Variants in CNNM2 observed in about 807,000 individuals in gnomAD.
The protein encoded by CNNM2 is cyclin and CBS domain divalent metal cation transport mediator 2.
Under a neutral mutation model 66.9 loss-of-function variants are expected in CNNM2, and 12 were observed. That is an observed-to-expected ratio of 0.18 (90% CI 0.11 to 0.29). CNNM2 has a LOEUF of 0.29. CNNM2 is among the 10% of genes least tolerant of loss of function. CNNM2 has a pLI of 1.00. For missense variants in CNNM2, 705 were observed against 1,167.7 expected (o/e 0.60, Z 5.77); for synonymous variants, 557 against 501.8 (o/e 1.11, Z -1.47).
chr10:102,990,030 T>G (rs928694343), intron 1 of CNNM2, among the ~76,000 whole-genome samples: 1 of 151,054 alleles, frequency 6.6e-6, no homozygotes, highest in African/African-American at 2.4e-5. Flanking sequence ...CTGCAACCTC[T>G]CCCTCCCCGG....
rs1418049174 is a variant in CNNM2, at chr10:103,087,765, T to C, written c.*10585T>C. On this transcript the variant is annotated 3_prime_UTR_variant, in exon 8 of 8. Coordinates refer to ENST00000369878, the MANE Select transcript of CNNM2 (RefSeq NM_017649.5). ...GGGCAACAGTCTAGTCTAATTGTTA[T>C]TGCATTTCTGACCTGATTCTTTTAA... 1.3e-5 allele frequency: 2 copies of C among 152,224 alleles called. No individual in the cohort carries two copies. The highest frequency in any genetic ancestry group is 6.5e-5 in the Admixed American group (1 of 15,286). 9.4% of individuals were successfully genotyped at this position (152,224 alleles called of 1,614,324 possible). A position where few individuals can be genotyped will look rare whatever the true frequency, so the allele number is the denominator to read the frequency against.
intron 1 of CNNM2, among the ~76,000 whole-genome samples, chr10:102,952,789 G>T (rs17115283): frequency 6.6e-6 from 1 of 152,108 alleles, no homozygotes; most frequent in Non-Finnish European, 1.5e-5. Context: ...GATGTGTTAC[G>T]TAGGTCTCTT....
intron 1 of CNNM2, among the ~76,000 whole-genome samples, chr10:102,945,694 T>G (rs1254495790): frequency 6.6e-6 from 1 of 152,166 alleles, no homozygotes; most frequent in Non-Finnish European, 1.5e-5. Flanking sequence ...AAGCATTACA[T>G]GAGCTTAGCT....
At chr10:102,951,417 G>A (rs1259339576) in intron 1 of CNNM2, among the ~76,000 whole-genome samples, 1 of 151,860 alleles carries the variant, frequency 6.6e-6, no homozygotes, top group South Asian at 2.1e-4. Context: ...GGCTGGTTTC[G>A]AATTCTTGAT....
At chr10:102,945,919 A>C (rs1846603361) in intron 1 of CNNM2, among the ~76,000 whole-genome samples, 1 of 151,440 alleles carries the variant, frequency 6.6e-6, no homozygotes, top group Non-Finnish European at 1.5e-5. Flanking sequence ...CTCAGTCGAT[A>C]TTTGCTTTAC....
chr10:103,035,419 G>A (rs1364830524), intron 1 of CNNM2, among the ~76,000 whole-genome samples: 1 of 152,108 alleles, frequency 6.6e-6, no homozygotes, highest in Non-Finnish European at 1.5e-5. Flanking sequence ...TACAGTGAGT[G>A]TTACAGACCA....
At chr10:102,930,981 T>C (rs1203857389) in intron 1 of CNNM2, among the ~76,000 whole-genome samples, 1 of 152,250 alleles carries the variant, frequency 6.6e-6, no homozygotes, top group Non-Finnish European at 1.5e-5. Flanking sequence ...TGCCTATTAA[T>C]AATGATTCTA....
intron 1 of CNNM2, among the ~76,000 whole-genome samples, chr10:103,002,006 A>G (rs1263682034): frequency 6.6e-6 from 1 of 152,122 alleles, no homozygotes; most frequent in East Asian, 1.9e-4. Context: ...CAAATAAATA[A>G]ATAAATAATA....
chr10:103,037,639 A>G (rs2064966464), intron 1 of CNNM2, among the ~76,000 whole-genome samples: 1 of 152,206 alleles, frequency 6.6e-6, no homozygotes, highest in Non-Finnish European at 1.5e-5. Flanking sequence ...TGCCAGACAT[A>G]AACATAAAGT....
At position 102,919,116 on chromosome 10, in the gene CNNM2, CG is replaced by C; in HGVS notation, c.641del (p.Gly214AlafsTer30). On this transcript the variant is annotated frameshift_variant, in exon 1 of 8. Coordinates refer to ENST00000369878, the MANE Select transcript of CNNM2 (RefSeq NM_017649.5). LOFTEE classifies it high-confidence loss of function. ...GGSGSTGGAV[G>X]GKGGSGVAGL... is the part of the protein sequence containing the mutation. The stretch of plus-strand genomic sequence containing the variant: ...GCTCGGGGTCCACGGGTGGCGCCGT[CG>C]GGGGCAAGGGTGGCTCGGGGGTGGC... 1 of 1,610,712 alleles carries C rather than the reference CG, an allele frequency of 6.2e-7. No homozygotes were observed.
intron 1 of CNNM2, among the ~76,000 whole-genome samples, chr10:103,039,474 T>C (rs141157991): frequency 1.9e-3 from 293 of 152,306 alleles, no homozygotes; most frequent in Middle Eastern, 3.4e-3. Context: ...GTCCGAAGAC[T>C]TGCAAGGCAC....
chr10:103,022,676 G>T (rs1470729646), intron 1 of CNNM2, among the ~76,000 whole-genome samples: 1 of 152,160 alleles, frequency 6.6e-6, no homozygotes, highest in Non-Finnish European at 1.5e-5. Flanking sequence ...GTTGATTCAT[G>T]TATTAGTCCA....
rs903610473 is a variant in CNNM2, at chr10:103,077,577, C to A, written c.*397C>A. The A allele has an allele frequency of 9.3e-6, 2 of 215,144 alleles. No individual in the cohort carries two copies. The highest frequency in any genetic ancestry group is 5.2e-5 in the Admixed American group (1 of 19,128). The allele number at this position is 215,144 out of a possible 1,614,324, so 13.3% of individuals were successfully genotyped here. ...GTCTTTTGCAGAGTTTTAAGTTGTT[C>A]TGTCTGAACTCTGCTGTGATCCCAT... On this transcript the variant is annotated 3_prime_UTR_variant, in exon 8 of 8. Transcript: ENST00000369878.
rs1298181782 is a variant in CNNM2 at position 102,918,378 on chromosome 10, A to T, written c.-103A>T. The T allele has an allele frequency of 6.6e-7, 1 of 1,516,888 alleles. No homozygotes were observed. The highest frequency in any genetic ancestry group is 1.4e-5 in the African/African-American group (1 of 70,550). The allele number at this position is 1,516,888 out of a possible 1,614,324, so 94.0% of individuals were successfully genotyped here. A position where few individuals can be genotyped will look rare whatever the true frequency, so the allele number is the denominator to read the frequency against. On this transcript the variant is annotated 5_prime_UTR_variant, in exon 1 of 8. Transcript: ENST00000369878. The surrounding 1 kb of genome is among the most constrained non-coding windows in gnomAD (Gnocchi z 4.1). ...TGTCAGTCAGGGAGGCGAACTGCTG[A>T]GCACTGGCCGCGGACGCTCCGTTGC...
intron 1 of CNNM2, among the ~76,000 whole-genome samples, chr10:102,954,671 C>T (rs1564819315): frequency 1.3e-5 from 2 of 152,074 alleles, no homozygotes; most frequent in African/African-American, 4.8e-5. Context: ...CAGGAATTTA[C>T]AATCCAGGAA....
intron 1 of CNNM2, among the ~76,000 whole-genome samples, chr10:102,996,738 T>A (rs183416137): frequency 1.8e-3 from 267 of 152,378 alleles, no homozygotes; most frequent in Middle Eastern, 3.4e-3. Flanking sequence ...AAAGTTAATT[T>A]ATTTGCATTA....
chr10:102,929,923 C>T (rs1355772777), intron 1 of CNNM2, among the ~76,000 whole-genome samples: 1 of 152,130 alleles, frequency 6.6e-6, no homozygotes, highest in East Asian at 1.9e-4. Context: ...ATGGTAATGC[C>T]TAATATAGCA....
chr10:103,019,240 G>A (rs1380417969), intron 1 of CNNM2, among the ~76,000 whole-genome samples: 3 of 149,490 alleles, frequency 2.0e-5, no homozygotes, highest in Non-Finnish European at 4.4e-5. Flanking sequence ...CTGCACTCCA[G>A]CCTGGGCGAC....
At chr10:103,061,325 G>A (rs1240163610) in intron 4 of CNNM2, among the ~76,000 whole-genome samples, 5 of 152,134 alleles carry the variant, frequency 3.3e-5, no homozygotes, top group African/African-American at 9.7e-5. Flanking sequence ...CCCAGAAGGC[G>A]GAGGTTGCAG....
Sources: allele counts gnomAD v4.1 joint callset (sites outside exome capture counted in the v4.1 genomes callset), GRCh38; gene constraint gnomAD v4.1.1; non-coding constraint Gnocchi (gnomAD v3.1); transcripts MANE v1.5; gene names NCBI Gene and HGNC (gene_info 2026-07-23, HGNC 2026-07-21).